PLIN3: variants seen among roughly 807,000 people sequenced by gnomAD.
PLIN3 encodes the protein perilipin 3.
Under a neutral mutation model 35.9 loss-of-function variants are expected in PLIN3, and 30 were observed. That is an observed-to-expected ratio of 0.84 (90% CI 0.62 to 1.13). The LOEUF (loss-of-function observed/expected upper bound fraction) is 1.13. PLIN3 is among the 50% of genes most tolerant of loss of function. The pLI is 0.00. For synonymous variants in PLIN3, 261 were observed against 262.5 expected (o/e 0.99, Z 0.06); for missense variants, 603 against 596.9 (o/e 1.01, Z -0.11).
intron 4 of PLIN3, among the ~76,000 whole-genome samples, chr19:4,853,706 A>G (rs4807658): frequency 0.49 from 74,238 of 151,108 alleles, 18,561 homozygotes; most frequent in African/African-American, 0.56. Context: ...CTTACTACTC[A>G]AGAGGCTGAG....
rs1172963843 is a variant in PLIN3, at chr19:4,864,098, A to AATGTGT, written c.-17-2688_-17-2687insACACAT. 3.4e-3 allele frequency among the ~76,000 whole-genome samples: 428 copies of AATGTGT among 125,382 alleles called. 8 individuals carry two copies. The highest frequency in any genetic ancestry group is 0.014 in the East Asian group (62 of 4,282). The allele number at this position is 125,382 out of a possible 152,430, so 82.3% of individuals were successfully genotyped here. A position where few individuals can be genotyped will look rare whatever the true frequency, so the allele number is the denominator to read the frequency against. On this transcript the variant is annotated intron_variant, in intron 1 of 7. Coordinates refer to ENST00000221957, the MANE Select transcript of PLIN3 (RefSeq NM_005817.5). The stretch of plus-strand genomic sequence containing the variant: ...CAGGCACGCACCACCACACCTGGCT[A>AATGTGT]GTGTGTGTGTGTGTGTGTGTGTGTG...
chr19:4,860,900 G>A lies in PLIN3; in HGVS notation c.66+429C>T, dbSNP rs566930685. ...GCAGGAGAATTGCTTGAACCCAGGA[G>A]GCAGAGGTTGCAGTGAGCCAAGATG... On this transcript the variant is annotated intron_variant, in intron 2 of 7. Coordinates refer to ENST00000221957, the MANE Select transcript of PLIN3 (RefSeq NM_005817.5). Among the ~76,000 whole-genome samples the A allele has an allele frequency of 4.6e-5, 7 of 152,164 alleles. No individual in the cohort carries two copies. In the South Asian group the frequency reaches 6.2e-4, roughly 14 times the overall value.
intron 7 of PLIN3, among the ~76,000 whole-genome samples, chr19:4,843,228 A>T (rs188273449): frequency 2.0e-3 from 264 of 130,624 alleles, no homozygotes; most frequent in Admixed American, 4.1e-3. Flanking sequence ...ATAAATAGGC[A>T]GGGTGCGGTG....
intron 7 of PLIN3, among the ~76,000 whole-genome samples, chr19:4,841,346 C>T (rs1337642031): frequency 2.0e-5 from 3 of 152,046 alleles, no homozygotes; most frequent in African/African-American, 7.2e-5. Context: ...ACGCTCAGCG[C>T]GAGAAGCCGG....
At chr19:4,845,375 G>A (rs938699453) in intron 6 of PLIN3, among the ~76,000 whole-genome samples, 73 of 152,190 alleles carry the variant, frequency 4.8e-4, no homozygotes, top group African/African-American at 1.4e-3. Context: ...GCAGTGAGCT[G>A]AGATTGCGCC....
At chr19:4,856,692 T>G (rs982708579) in intron 4 of PLIN3, among the ~76,000 whole-genome samples, 1 of 149,978 alleles carries the variant, frequency 6.7e-6, no homozygotes, top group African/African-American at 2.5e-5. Context: ...CTCACACTTA[T>G]CTGAAGGAGG....
intron 1 of PLIN3, among the ~76,000 whole-genome samples, chr19:4,862,576 C>T (rs770869322): frequency 5.9e-5 from 9 of 152,144 alleles, no homozygotes; most frequent in Non-Finnish European, 1.2e-4. Context: ...GGCTCCCAGG[C>T]AGTGTTGATG....
intron 1 of PLIN3, among the ~76,000 whole-genome samples, chr19:4,863,827 CA>C (rs766592535): frequency 8.4e-4 from 98 of 116,826 alleles, no homozygotes; most frequent in African/African-American, 9.6e-4. Context: ...GACTCCATCT[CA>C]AAAAAAAAAA....
rs2093624321 is a variant in PLIN3 at position 4,838,891 on chromosome 19, A to C, written c.*301T>G. ...CCACCGCACCCGGCCTATATTCCTG[A>C]TATTTAACAAGGAAAAAAAATTCTG... On this transcript the variant is annotated 3_prime_UTR_variant, in exon 8 of 8. Transcript: ENST00000221957. The C allele has an allele frequency of 8.6e-6, 2 of 232,922 alleles. No individual in the cohort carries two copies. The highest frequency in any genetic ancestry group is 1.0e-4 in the Admixed American group (2 of 19,096). 14.4% of individuals were successfully genotyped at this position (232,922 alleles called of 1,614,324 possible).
At chr19:4,851,923 G>T (rs1296799670) in intron 5 of PLIN3, 93 bp downstream of exon 5, 2 of 1,332,086 alleles carry the variant, frequency 1.5e-6, no homozygotes, top group African/African-American at 1.4e-5. Flanking sequence ...CGAGGCGGCA[G>T]TGAGTGTCGG....
chr19:4,860,607 G>C (rs979062488), intron 2 of PLIN3, among the ~76,000 whole-genome samples: 4 of 152,156 alleles, frequency 2.6e-5, no homozygotes, highest in Non-Finnish European at 5.9e-5. Flanking sequence ...TGGCAGTTAG[G>C]GTCTAAACCG....
intron 4 of PLIN3, among the ~76,000 whole-genome samples, chr19:4,854,343 T>C (rs1300752299): frequency 1.3e-5 from 2 of 152,120 alleles, no homozygotes; most frequent in Non-Finnish European, 2.9e-5. Flanking sequence ...TCAGTCCTCT[T>C]GTACTCATGA....
chr19:4,840,126 C>G (rs538219422), intron 7 of PLIN3, among the ~76,000 whole-genome samples: 2 of 152,112 alleles, frequency 1.3e-5, no homozygotes, highest in East Asian at 3.9e-4. Context: ...TGCCACCACG[C>G]CCGTCTAACT....
chr19:4,864,117 G>A (rs1459432402), intron 1 of PLIN3, among the ~76,000 whole-genome samples: 2,242 of 39,886 alleles, frequency 0.056, 37 homozygotes, highest in Non-Finnish European at 0.1. Context: ...GTGTGTGTGT[G>A]TGTGTGTGTG....
intron 2 of PLIN3, 115 bp downstream of exon 2, chr19:4,861,214 G>T: frequency 1.2e-6 from 1 of 843,582 alleles, no homozygotes. Flanking sequence ...AATCCCTCTG[G>T]CTCCGTGAGC....
rs537867408 is a variant in PLIN3, at chr19:4,841,829, C to T, written c.961-2293G>A. ...CTGAGGCAGGAGAATGGCGTGAATC[C>T]GGGAGGCGGAGCTTGCAGTGAGCCG... On this transcript the variant is annotated intron_variant, in intron 7 of 7. Coordinates refer to ENST00000221957, the MANE Select transcript of PLIN3 (RefSeq NM_005817.5). 2.1e-3 allele frequency among the ~76,000 whole-genome samples: 283 copies of T among 136,812 alleles called. 2 individuals are homozygous for T. Among genetic ancestry groups the T allele is most frequent in the African/African-American group, 7.4e-3 (269 of 36,574 alleles). The allele number at this position is 136,812 out of a possible 152,430, so 89.8% of individuals were successfully genotyped here.
chr19:4,844,046 T>C (rs1348454129), intron 7 of PLIN3, among the ~76,000 whole-genome samples: 1 of 152,104 alleles, frequency 6.6e-6, no homozygotes. Flanking sequence ...CTCGGCTCAC[T>C]GCAAACTTCC....
chr19:4,852,742 G>A (rs1032352846), intron 4 of PLIN3, among the ~76,000 whole-genome samples: 1 of 151,942 alleles, frequency 6.6e-6, no homozygotes, highest in Non-Finnish European at 1.5e-5. Context: ...CCGGGTTCAA[G>A]CAGTTCTCCT....
Position 4,852,219 on chromosome 19 carries a change from G to A in PLIN3, c.431C>T (p.Ala144Val), listed in dbSNP as rs2030322510. ...EMVSSAKDTV[A>V]TQLSEAVDAT... ...GTCCACCGCCTCCGACAATTGGGTG[G>A]CCACCGTGTCCTTGGCGCTAGACAC... The change falls in exon 5 of 8, where the codon GCC (alanine) becomes GTC (valine). Residue 144 changes from alanine (A) to valine (V), a missense_variant. Physicochemically the swap from Ala to Val is moderately conservative, Grantham distance 64 (BLOSUM62 0). Transcript: ENST00000221957. The A allele has an allele frequency of 6.2e-7, 1 of 1,611,586 alleles. No homozygotes were observed. Among genetic ancestry groups the A allele is most frequent in the South Asian group, 1.1e-5 (1 of 91,072 alleles).
Sources: gnomAD v4.1 joint callset for allele counts (sites outside exome capture counted in the v4.1 genomes callset) on GRCh38, gnomAD v4.1.1 for gene constraint, MANE v1.5 for transcripts, NCBI Gene and HGNC (gene_info 2026-07-23, HGNC 2026-07-21) for gene names.